Variants in SH3D21 observed in about 807,000 individuals in gnomAD.
SH3D21 encodes SH3 domain-containing protein 21.
A neutral mutation model predicts 82.1 loss-of-function variants in SH3D21; 83 were observed. The observed-to-expected ratio is 1.01, with a 90% CI of 0.85 to 1.21. The LOEUF is 1.21. SH3D21 is among the 50% of genes most tolerant of loss of function. SH3D21 has a pLI of 0.00. For missense variants in SH3D21, 980 were observed against 962.1 expected (o/e 1.02, Z -0.25); for synonymous variants, 383 against 387.8 (o/e 0.99, Z 0.15).
In SH3D21 at chr1:36,308,050, G is replaced by C. The variant is rs1391825723; in HGVS notation, c.539-59G>C. On this transcript the variant is annotated intron_variant, in intron 7 of 15. Coordinates refer to ENST00000453908, the MANE Select transcript of SH3D21 (RefSeq NM_001162530.2). ...GGCCAGCTAGGCTGATGGAGGTGGG[G>C]GCTGCTGATGGATGGGGGAGGCTTG... 3 of 1,548,008 alleles carry C rather than the reference G, an allele frequency of 1.9e-6. No individual in the cohort carries two copies. The Admixed American group carries it at 5.9e-5, about 30-fold the overall frequency.
chr1:36,309,987 C>T (rs1246565614), intron 10 of SH3D21, among the ~76,000 whole-genome samples: 7 of 152,156 alleles, frequency 4.6e-5, no homozygotes, highest in Admixed American at 4.6e-4. Context: ...CGGAGTCTCA[C>T]TCTGTCGCCC....
At chr1:36,327,959 G>A (rs1406706146), downstream of SH3D21, 18 of 955,460 alleles carry the variant, frequency 1.9e-5, no homozygotes, top group Admixed American at 1.2e-4. Context: ...ATCTCTGCAC[G>A]TGTGTCACCT....
rs893047184 is a variant in SH3D21 at position 36,307,110 on chromosome 1, C to T, written c.227-57C>T. 17 of 1,546,610 alleles carry T rather than the reference C, an allele frequency of 1.1e-5. No homozygotes were observed. The South Asian group carries it at 1.4e-4, about 13-fold the overall frequency. On this transcript the variant is annotated intron_variant, in intron 3 of 15. Coordinates refer to ENST00000453908, the MANE Select transcript of SH3D21 (RefSeq NM_001162530.2). The surrounding 1 kb of genome is among the most constrained non-coding windows in gnomAD (Gnocchi z 5.4). Reference sequence around the variant, plus strand: ...GCTACGTGCGCGCCTTGCGCTTCCCCCAGCTCCTCTGACTGGGGCGTCCGA... The same window carrying T: ...GCTACGTGCGCGCCTTGCGCTTCCCTCAGCTCCTCTGACTGGGGCGTCCGA...
downstream of SH3D21, among the ~76,000 whole-genome samples, chr1:36,327,539 GCT>G (rs1164288441): frequency 1.3e-5 from 2 of 152,204 alleles, no homozygotes; most frequent in Non-Finnish European, 2.9e-5. Flanking sequence ...GTGCTACGCA[GCT>G]CTCTGTATCT....
At chr1:36,315,300 A>G (rs1646322841) in intron 10 of SH3D21, among the ~76,000 whole-genome samples, 1 of 151,848 alleles carries the variant, frequency 6.6e-6, no homozygotes, top group Non-Finnish European at 1.5e-5. Context: ...TTCGCAAATT[A>G]TCTCATGCCT....
rs1222609638 is a variant in SH3D21, at chr1:36,321,257, G to GGGGCCTGCGCGGGGGCAGGGCCT, written c.*137_*159dup. 3 of 1,467,648 alleles carry GGGGCCTGCGCGGGGGCAGGGCCT rather than the reference G, an allele frequency of 2.0e-6. No homozygotes were observed. In the African/African-American group the frequency reaches 4.2e-5, roughly 21 times the overall value. The allele number at this position is 1,467,648 out of a possible 1,614,324, so 90.9% of individuals were successfully genotyped here. A position where few individuals can be genotyped will look rare whatever the true frequency, so the allele number is the denominator to read the frequency against. On this transcript the variant is annotated 3_prime_UTR_variant, in exon 16 of 16. Transcript: ENST00000453908. The surrounding 1 kb of genome is among the most constrained non-coding windows in gnomAD (Gnocchi z 6.1). ...CCACGCCGGTCTGGTCGCTGGGGGC[G>GGGGCCTGCGCGGGGGCAGGGCCT]GGGCCTGCGCGGGGGCAGGGCCTGG...
chr1:36,307,139 G>C lies in SH3D21; in HGVS notation c.227-28G>C. The C allele has an allele frequency of 6.4e-7, 1 of 1,551,022 alleles. No homozygotes were observed. Among genetic ancestry groups the C allele is most frequent in the South Asian group, 1.2e-5 (1 of 83,762 alleles). ...CTCCTCTGACTGGGGCGTCCGACTG[G>C]AGCTCAGCCGCGCTTGTCCGGTGCT... On this transcript the variant is annotated intron_variant, in intron 3 of 15. Transcript: ENST00000453908. The surrounding 1 kb of genome is among the most constrained non-coding windows in gnomAD (Gnocchi z 5.4).
At chr1:36,326,125 C>T (rs12076218), downstream of SH3D21, among the ~76,000 whole-genome samples, 2 of 151,982 alleles carry the variant, frequency 1.3e-5, no homozygotes, top group African/African-American at 2.4e-5. Flanking sequence ...ATACCTCCCT[C>T]CAAGGGAAGA....
downstream of SH3D21, chr1:36,322,773 G>A: frequency 6.6e-7 from 1 of 1,526,510 alleles, no homozygotes; most frequent in Non-Finnish European, 8.8e-7. Flanking sequence ...ACGGGTGGGG[G>A]TTGTCCCACT....
chr1:36,326,294 C>T (rs1051905618), downstream of SH3D21, among the ~76,000 whole-genome samples: 38 of 150,774 alleles, frequency 2.5e-4, no homozygotes, highest in South Asian at 6.3e-4. Context: ...TACAAAGGCG[C>T]GATCTCTGCT....
downstream of SH3D21, among the ~76,000 whole-genome samples, chr1:36,323,304 C>A (rs1054658599): frequency 6.6e-6 from 1 of 152,138 alleles, no homozygotes; most frequent in African/African-American, 2.4e-5. Context: ...CTGGTGAGGT[C>A]CCCAGCTGAG....
intron 10 of SH3D21, 21 bp downstream of exon 10, chr1:36,309,611 G>C: frequency 6.4e-7 from 1 of 1,551,402 alleles, no homozygotes; most frequent in Non-Finnish European, 8.7e-7. Context: ...GGGGAGCCTG[G>C]GATTGGGGGG....
At chr1:36,323,900 G>C (rs906457120), downstream of SH3D21, 1 of 152,282 alleles carries the variant, frequency 6.6e-6, no homozygotes, top group African/African-American at 2.4e-5. Context: ...TACTCCGCCT[G>C]ACAACCCTGC....
downstream of SH3D21, chr1:36,323,138 C>G: frequency 3.0e-6 from 4 of 1,349,796 alleles, 1 homozygote; most frequent in South Asian, 2.7e-5. Context: ...CGGGCAGCTC[C>G]TCTCCCGGGA....
downstream of SH3D21, chr1:36,323,527 G>C (rs534493839): frequency 6.6e-6 from 1 of 152,160 alleles, no homozygotes; most frequent in Admixed American, 6.5e-5. Flanking sequence ...GGGTCCGGCC[G>C]CCCCCGCCCG....
chr1:36,326,125 C>A (rs12076218), downstream of SH3D21, among the ~76,000 whole-genome samples: 46,434 of 151,920 alleles, frequency 0.31, 7,856 homozygotes, highest in East Asian at 0.66. Context: ...ATACCTCCCT[C>A]CAAGGGAAGA....
chr1:36,321,105 A>G lies in SH3D21; in HGVS notation c.2249A>G (p.His750Arg), dbSNP rs368813974. 56 of 1,611,922 alleles carry G rather than the reference A, an allele frequency of 3.5e-5. No individual in the cohort carries two copies. The highest frequency in any genetic ancestry group is 7.7e-5 in the South Asian group (7 of 90,678). Residue 750 changes from histidine (H) to arginine (R), a missense_variant, in exon 16 of 16, where the codon CAC (histidine) becomes CGC (arginine). Physicochemically the swap from His to Arg is conservative, Grantham distance 29. Transcript: ENST00000453908. This position sits in a 1 kb window ranked among gnomAD's most constrained non-coding sequence, Gnocchi z 6.1. ...AAGTCCCAGACCCCGCGCGTCATCC[A>G]CACGCAGACGCAGACCTACTGAGGG... is the stretch of plus-strand genomic sequence containing the variant. ...TQKSQTPRVI[H>R]TQTQTY
chr1:36,306,823 C>T lies in SH3D21; in HGVS notation c.163-19C>T. The T allele has an allele frequency of 3.1e-6, 4 of 1,295,152 alleles. No homozygotes were observed. Among genetic ancestry groups the T allele is most frequent in the Non-Finnish European group, 4.0e-6 (4 of 989,144 alleles). 80.2% of individuals were successfully genotyped at this position (1,295,152 alleles called of 1,614,324 possible). On this transcript the variant is annotated intron_variant, in intron 2 of 15. Transcript: ENST00000453908. The surrounding 1 kb of genome is among the most constrained non-coding windows in gnomAD (Gnocchi z 4.5). ...CCCCCCGGGAGCTGAGAGCGCCTTC[C>T]CCGTGCCCTGATTCCCAGGAGATCC...
chr1:36,306,634 A>C lies in SH3D21; in HGVS notation c.41A>C (p.Glu14Ala). 1 of 1,302,362 alleles carries C rather than the reference A, an allele frequency of 7.7e-7. No individual in the cohort carries two copies. Among genetic ancestry groups the C allele is most frequent in the Non-Finnish European group, 1.0e-6 (1 of 988,704 alleles). 80.7% of individuals were successfully genotyped at this position (1,302,362 alleles called of 1,614,324 possible). The change falls in exon 2 of 16, where the codon GAG becomes GCG. Residue 14 changes from glutamate (E) to alanine (A), a missense_variant. Coordinates refer to ENST00000453908, the MANE Select transcript of SH3D21 (RefSeq NM_001162530.2). The surrounding 1 kb of genome is among the most constrained non-coding windows in gnomAD (Gnocchi z 4.5). Reference protein sequence around the residue: ...LVLAGYRAQKEDELSLAPGDV... With the variant: ...LVLAGYRAQKADELSLAPGDV... ...CTGGCCGGATACCGCGCGCAGAAGG[A>C]GGACGAGCTGAGTCTGGCGCCCGGG...
Sources: allele counts gnomAD v4.1 joint callset (sites outside exome capture counted in the v4.1 genomes callset), GRCh38; gene constraint gnomAD v4.1.1; non-coding constraint Gnocchi (gnomAD v3.1); transcripts MANE v1.5; gene names NCBI Gene and HGNC (gene_info 2026-07-23, HGNC 2026-07-21).